The following SPAG16 variants were observed in gnomAD, a reference collection of about 807,000 sequenced individuals.
SPAG16 encodes sperm-associated antigen 16 protein.
A neutral mutation model predicts 80.4 loss-of-function variants in SPAG16; 86 were observed. The ratio of observed to expected loss-of-function variants is 1.07; its 90% CI spans 0.90 to 1.28. The LOEUF (loss-of-function observed/expected upper bound fraction) is 1.28, where lower values mean the gene tolerates loss of function less well. Ranked by LOEUF, SPAG16 falls within the 50% of genes most tolerant of loss-of-function variation. The pLI is 0.00. For missense variants in SPAG16, 870 were observed against 765.3 expected (o/e 1.14, Z -1.61); for synonymous variants, 294 against 265.9 (o/e 1.11, Z -1.03).
In SPAG16 at chr2:213,748,544, A is replaced by C. The variant is rs188012330; in HGVS notation, c.1071-113941A>C. 1.4e-3 allele frequency among the ~76,000 whole-genome samples: 208 copies of C among 152,228 alleles called. 2 individuals are homozygous for C. The highest frequency in any genetic ancestry group is 4.7e-3 in the African/African-American group (195 of 41,578). ...TTATTAGAATATGTAAAAATAGCTC[A>C]TGCTACTGAAAGTTATTAATTGGAT... is the stretch of plus-strand genomic sequence containing the variant. On this transcript the variant is annotated intron_variant, in intron 10 of 15. Coordinates refer to ENST00000331683, the MANE Select transcript of SPAG16 (RefSeq NM_024532.5).
chr2:213,438,900 A>T (rs1317200062), intron 9 of SPAG16, among the ~76,000 whole-genome samples: 1 of 152,206 alleles, frequency 6.6e-6, no homozygotes, highest in African/African-American at 2.4e-5. Context: ...AAACATTTAT[A>T]TTGTTAACTT....
chr2:214,173,602 G>T (rs1174664443), intron 15 of SPAG16, among the ~76,000 whole-genome samples: 2 of 151,808 alleles, frequency 1.3e-5, no homozygotes, highest in South Asian at 4.1e-4. Flanking sequence ...CAACCAAAAA[G>T]AGTCCAGGAC....
chr2:213,819,223 A>G (rs1369068396), intron 10 of SPAG16, among the ~76,000 whole-genome samples: 2 of 152,176 alleles, frequency 1.3e-5, no homozygotes, highest in Non-Finnish European at 2.9e-5. Context: ...TGAACGCCCA[A>G]TTCCAATCAG....
intron 15 of SPAG16, among the ~76,000 whole-genome samples, chr2:214,406,100 C>A: frequency 6.6e-6 from 1 of 152,058 alleles, no homozygotes; most frequent in East Asian, 1.9e-4. Context: ...AGTCAAGTTC[C>A]ATGATCATAA....
chr2:214,037,491 A>T lies in SPAG16; in HGVS notation c.1527+23414A>T, dbSNP rs904161772. On this transcript the variant is annotated intron_variant, in intron 13 of 15. Transcript: ENST00000331683. ...CAATGAATGTTTGAGAAGAAGATGT[A>T]TTCACTATTACTTGAGTGTAAAGTT... is the stretch of plus-strand genomic sequence containing the variant. 3.9e-5 allele frequency among the ~76,000 whole-genome samples: 6 copies of T among 152,100 alleles called. 1 individual carries two copies. The highest frequency in any genetic ancestry group is 8.8e-5 in the Non-Finnish European group (6 of 67,956).
At chr2:213,308,603 C>T (rs914110590) in intron 3 of SPAG16, among the ~76,000 whole-genome samples, 2 of 152,050 alleles carry the variant, frequency 1.3e-5, no homozygotes, top group South Asian at 2.1e-4. Flanking sequence ...TAGGCAGAAA[C>T]AGAAGTTAAC....
intron 10 of SPAG16, among the ~76,000 whole-genome samples, chr2:213,696,629 C>T (rs1376020565): frequency 6.6e-6 from 1 of 152,188 alleles, no homozygotes; most frequent in South Asian, 2.1e-4. Context: ...AAAGAGGATG[C>T]AAATGTACAT....
chr2:214,032,249 A>G (rs188243008), intron 13 of SPAG16, among the ~76,000 whole-genome samples: 195 of 152,330 alleles, frequency 1.3e-3, no homozygotes, highest in Middle Eastern at 0.01. Flanking sequence ...AGGTTCAAGA[A>G]TGTTCCTCAG....
chr2:213,347,425 C>T (rs1197666511), intron 6 of SPAG16, among the ~76,000 whole-genome samples: 13 of 151,770 alleles, frequency 8.6e-5, no homozygotes, highest in Admixed American at 3.3e-4. Context: ...TGCCTTCTGC[C>T]AGCTTTTGAA....
intron 10 of SPAG16, among the ~76,000 whole-genome samples, chr2:213,759,839 A>C (rs946400295): frequency 6.6e-6 from 1 of 152,120 alleles, no homozygotes; most frequent in Admixed American, 6.5e-5. Context: ...GATCGAAACC[A>C]TCCTGGCCAA....
intron 12 of SPAG16, among the ~76,000 whole-genome samples, chr2:213,997,923 G>A (rs893810470): frequency 6.6e-6 from 1 of 152,158 alleles, no homozygotes; most frequent in African/African-American, 2.4e-5. Flanking sequence ...GGTAAGCAAG[G>A]TATACACATT....
At chr2:213,530,905 A>AT (rs775399786) in intron 10 of SPAG16, among the ~76,000 whole-genome samples, 1 of 150,858 alleles carries the variant, frequency 6.6e-6, no homozygotes, top group Non-Finnish European at 1.5e-5. Context: ...GCTTTTTCTC[A>AT]TTTTTTCTTA....
rs540779600 is a variant in SPAG16 at position 213,290,895 on chromosome 2, C to G, written c.137-5169C>G. On this transcript the variant is annotated intron_variant, in intron 1 of 15. Transcript: ENST00000331683. Reference sequence around the variant, plus strand: ...CAGTACTCCATCACATCCTACTTCACTCTGCCTTTTTTACCGTCCCAAGGG... The same window carrying G: ...CAGTACTCCATCACATCCTACTTCAGTCTGCCTTTTTTACCGTCCCAAGGG... Among the ~76,000 whole-genome samples, 357 of 152,310 alleles carry G rather than the reference C, an allele frequency of 2.3e-3. 1 individual carries two copies. The highest frequency in any genetic ancestry group is 4.0e-3 in the Non-Finnish European group (269 of 68,026).
chr2:213,430,432 T>A (rs1459781651), intron 9 of SPAG16, among the ~76,000 whole-genome samples: 1 of 152,200 alleles, frequency 6.6e-6, no homozygotes, highest in Non-Finnish European at 1.5e-5. Flanking sequence ...CAACACAAAT[T>A]CGTAAACTTT....
intron 9 of SPAG16, among the ~76,000 whole-genome samples, chr2:213,466,704 G>T (rs957851297): frequency 2.0e-5 from 3 of 152,208 alleles, no homozygotes; most frequent in African/African-American, 7.2e-5. Flanking sequence ...AAGTTAAGAA[G>T]AGGCTTACTG....
intron 10 of SPAG16, among the ~76,000 whole-genome samples, chr2:213,737,278 T>G (rs2067323810): frequency 6.6e-6 from 1 of 152,194 alleles, no homozygotes; most frequent in South Asian, 2.1e-4. Context: ...CGTTTGCACT[T>G]TCTTCCAATT....
chr2:213,955,555 A>C lies in SPAG16; in HGVS notation c.1400+25410A>C, dbSNP rs114749246. 3.5e-3 allele frequency among the ~76,000 whole-genome samples: 526 copies of C among 152,302 alleles called. 1 individual carries two copies. Among genetic ancestry groups the C allele is most frequent in the African/African-American group, 0.011 (467 of 41,570 alleles). ...CAGATTGATCTACATGTCTATCCTT[A>C]TAATAGTACCACACTGTCTTAATTA... On this transcript the variant is annotated intron_variant, in intron 12 of 15. Transcript: ENST00000331683.
At chr2:214,116,469 A>G (rs1440616709) in intron 14 of SPAG16, among the ~76,000 whole-genome samples, 1 of 152,182 alleles carries the variant, frequency 6.6e-6, no homozygotes, top group Non-Finnish European at 1.5e-5. Context: ...TGTCTATGCA[A>G]AGACCTGCTG....
At chr2:213,432,247 C>T (rs995280573) in intron 9 of SPAG16, among the ~76,000 whole-genome samples, 2 of 151,822 alleles carry the variant, frequency 1.3e-5, no homozygotes, top group African/African-American at 4.8e-5. Context: ...CAGATCAGAA[C>T]CAAATGCAAT....
Sources: allele counts gnomAD v4.1 joint callset (sites outside exome capture counted in the v4.1 genomes callset), GRCh38; gene constraint gnomAD v4.1.1; transcripts MANE v1.5; gene names NCBI Gene and HGNC (gene_info 2026-07-23, HGNC 2026-07-21).